SPG11: variants seen among roughly 807,000 people sequenced by gnomAD.
The protein encoded by SPG11 is spatacsin.
A neutral mutation model predicts 274.0 loss-of-function variants in SPG11; 222 were observed. That is an observed-to-expected ratio of 0.81 (90% confidence interval 0.73 to 0.91). The LOEUF is 0.91. Among genes scored for constraint, SPG11 ranks in the 40% least tolerant of loss-of-function variants. SPG11 has a pLI of 0.00. For missense variants in SPG11, 3,114 were observed against 2,872.7 expected (o/e 1.08, Z -1.92); for synonymous variants, 1,144 against 1,039.7 (o/e 1.10, Z -1.93).
chr15:44,565,996 CG>C lies in SPG11; in HGVS notation c.6856del (p.Arg2286AspfsTer12). 1 of 1,613,670 alleles carries C rather than the reference CG, an allele frequency of 6.2e-7. No individual in the cohort carries two copies. Among genetic ancestry groups the C allele is most frequent in the Non-Finnish European group, 8.5e-7 (1 of 1,180,000 alleles). On this transcript the variant is annotated frameshift_variant, in exon 38 of 40. Transcript: ENST00000261866. LOFTEE classifies it high-confidence loss of function. Reference sequence around the variant, plus strand: ...GAGCCGCTGACAGTGCTGGGCCTGTCGCACACAGGAGTCCTGAGGAACAAGG... The same window carrying C: ...GAGCCGCTGACAGTGCTGGGCCTGTCCACACAGGAGTCCTGAGGAACAAGG... The part of the protein sequence containing the change: ...AESYAKDSCV[R>X]QAQHCQRLTK...
chr15:44,660,519 T>C lies in SPG11; in HGVS notation c.355A>G (p.Asn119Asp). 4 of 1,614,170 alleles carry C rather than the reference T, an allele frequency of 2.5e-6. No individual in the cohort carries two copies. In the South Asian group the frequency reaches 3.3e-5, roughly 13 times the overall value. Residue 119 changes from asparagine to aspartate, a missense_variant, in exon 2 of 40, where the codon AAT becomes GAT. Coordinates refer to ENST00000261866, the MANE Select transcript of SPG11 (RefSeq NM_025137.4). ...ENYELLIYEF[N>D]LKDGRCDATI... Reference sequence around the variant, plus strand: ...GCATCACATCTTCCATCTTTCAAATTAAATTCATAGATAAGCAGTTCATAA... The same window carrying C: ...GCATCACATCTTCCATCTTTCAAATCAAATTCATAGATAAGCAGTTCATAA...
At chr15:44,586,678 T>C (rs1037205017) in intron 28 of SPG11, among the ~76,000 whole-genome samples, 2 of 148,982 alleles carry the variant, frequency 1.3e-5, no homozygotes, top group Non-Finnish European at 3.0e-5. Flanking sequence ...GATTAGCACA[T>C]GAACTCAATC....
intron 1 of SPG11, among the ~76,000 whole-genome samples, chr15:44,660,943 A>G (rs1211192794): frequency 6.6e-6 from 1 of 152,230 alleles, no homozygotes; most frequent in Non-Finnish European, 1.5e-5. Context: ...GTAGGTATCA[A>G]CAACAAAATA....
chr15:44,600,929 G>A (rs1243427080), intron 20 of SPG11, among the ~76,000 whole-genome samples: 1 of 152,166 alleles, frequency 6.6e-6, no homozygotes. Flanking sequence ...TAAGGCAGGC[G>A]GATGACCTGA....
At chr15:44,628,073 C>T (rs191319276) in intron 10 of SPG11, among the ~76,000 whole-genome samples, 2 of 152,118 alleles carry the variant, frequency 1.3e-5, no homozygotes, top group East Asian at 1.9e-4. Flanking sequence ...TTTGTTTTTC[C>T]AATACCAATA....
intron 38 of SPG11, 123 bp downstream of exon 38, chr15:44,565,731 A>T: frequency 8.0e-7 from 1 of 1,242,972 alleles, no homozygotes. Flanking sequence ...TCAGAGAGTT[A>T]AATCAGAACT....
chr15:44,641,784 T>G (rs2084450545), intron 7 of SPG11, among the ~76,000 whole-genome samples: 1 of 151,918 alleles, frequency 6.6e-6, no homozygotes, highest in African/African-American at 2.4e-5. Context: ...AAAACAATCT[T>G]GGAAAACTAG....
intron 20 of SPG11, chr15:44,604,308 T>C (rs1194298660): frequency 3.3e-6 from 1 of 300,640 alleles, no homozygotes; most frequent in Non-Finnish European, 6.8e-6. Flanking sequence ...ACATGCCCTA[T>C]TTGTATTCTT....
rs746329317 is a variant in SPG11, at chr15:44,564,642, G to T, written c.7056C>A (p.Tyr2352Ter). 6.2e-7 allele frequency: 1 copy of T among 1,613,910 alleles called. No homozygotes were observed. Among genetic ancestry groups the T allele is most frequent in the East Asian group, 2.2e-5 (1 of 44,860 alleles). The change falls in exon 39 of 40, where the codon TAC (tyrosine) becomes TAA (stop). Residue 2352 changes from tyrosine (Y) to a stop codon, truncating the protein, a stop_gained. Transcript: ENST00000261866. LOFTEE classifies it high-confidence loss of function. ...AGTCTCCTTTAAGAATCACTTGCTG[G>T]TATAAAATTTCAGCCCAATCTGGAA... ...DFVPDWAEIL[Y>*]QQVILKGDFN...
chr15:44,643,487 A>C (rs1317458793), intron 7 of SPG11, among the ~76,000 whole-genome samples: 1 of 152,198 alleles, frequency 6.6e-6, no homozygotes, highest in Non-Finnish European at 1.5e-5. Flanking sequence ...CAAAGAATGC[A>C]AAAGAATGAA....
In SPG11 at chr15:44,562,909, G is replaced by C; in HGVS notation, c.*212C>G. ...TTAATACTAGTATCTATATAAAATG[G>C]TGTGGATGAACAATCATCTAAAATC... On this transcript the variant is annotated 3_prime_UTR_variant, in exon 40 of 40. Coordinates refer to ENST00000261866, the MANE Select transcript of SPG11 (RefSeq NM_025137.4). The C allele has an allele frequency of 1.8e-6, 1 of 561,448 alleles. No individual in the cohort carries two copies. Among genetic ancestry groups the C allele is most frequent in the Non-Finnish European group, 3.2e-6 (1 of 314,758 alleles). The allele number at this position is 561,448 out of a possible 1,614,324, so 34.8% of individuals were successfully genotyped here. A position where few individuals can be genotyped will look rare whatever the true frequency, so the allele number is the denominator to read the frequency against.
rs375256495 is a variant in SPG11, at chr15:44,628,797, T to A, written c.1939A>T (p.Ile647Phe). ...QKGVNILTSY[I>F]NELRTFMIKF... ...ATCATGAAGGTTCGAAGTTCATTAATGTAGCTAGTCAAAATGTTCACTCCT... is the reference window on the plus strand; with the variant it reads ...ATCATGAAGGTTCGAAGTTCATTAAAGTAGCTAGTCAAAATGTTCACTCCT... The change falls in exon 10 of 40, where the codon ATT becomes TTT. Residue 647 changes from isoleucine to phenylalanine, a missense_variant. Transcript: ENST00000261866. 6.2e-7 allele frequency: 1 copy of A among 1,613,728 alleles called. No individual in the cohort carries two copies. The highest frequency in any genetic ancestry group is 1.7e-5 in the Admixed American group (1 of 60,014).
intron 1 of SPG11, among the ~76,000 whole-genome samples, chr15:44,661,046 T>A (rs2085090368): frequency 6.6e-6 from 1 of 152,234 alleles, no homozygotes; most frequent in Non-Finnish European, 1.5e-5. Flanking sequence ...TTATTTGTAT[T>A]TATAGACTGA....
At chr15:44,613,361 T>A in intron 17 of SPG11, 69 bp downstream of exon 17, 1 of 1,010,896 alleles carries the variant, frequency 9.9e-7, no homozygotes, top group Non-Finnish European at 1.6e-6. Context: ...GTTCACAAGT[T>A]TAATACCATT....
At position 44,583,833 on chromosome 15, in the gene SPG11, G is replaced by T; in HGVS notation, c.5847C>A (p.Pro1949=). Residue 1949 remains proline (P), a synonymous_variant, in exon 30 of 40, where the codon CCC becomes CCA. Transcript: ENST00000261866. ...ELLEEEAPDI[P]LRRVHSTSSL... ...ACTTACTGCTGTGGACTCTCCTTAG[G>T]GGAATGTCGGGTGCTTCTTCCTCAA... 1 of 1,614,152 alleles carries T rather than the reference G, an allele frequency of 6.2e-7. No homozygotes were observed. The highest frequency in any genetic ancestry group is 8.5e-7 in the Non-Finnish European group (1 of 1,180,022).
At chr15:44,565,109 G>T (rs2082282083) in intron 38 of SPG11, among the ~76,000 whole-genome samples, 2 of 152,198 alleles carry the variant, frequency 1.3e-5, no homozygotes, top group South Asian at 4.1e-4. Context: ...TTAGCAGTAT[G>T]AGGAACAGTG....
intron 39 of SPG11, among the ~76,000 whole-genome samples, chr15:44,563,897 G>T (rs2082252476): frequency 6.6e-6 from 1 of 152,180 alleles, no homozygotes; most frequent in Non-Finnish European, 1.5e-5. Flanking sequence ...CTAGTATTAG[G>T]GGTGCTTGAT....
intron 2 of SPG11, 116 bp downstream of exon 2, chr15:44,660,316 C>A: frequency 1.2e-6 from 1 of 854,576 alleles, no homozygotes; most frequent in South Asian, 1.5e-5. Context: ...TGCCTAGTGA[C>A]TACTATATCA....
chr15:44,563,231 C>T lies in SPG11; in HGVS notation c.7222G>A (p.Val2408Ile), dbSNP rs767553029. Residue 2408 changes from valine (V) to isoleucine (I), a missense_variant, in exon 40 of 40, where the codon GTT (valine) becomes ATT (isoleucine). Coordinates refer to ENST00000261866, the MANE Select transcript of SPG11 (RefSeq NM_025137.4). ...LKKLLTYCED[V>I]YLYYKLAYEH... is the part of the protein sequence containing the mutation. ...TATGCCAACTTGTAATACAGGTAAA[C>T]ATCTTCACAATATGTGAGTAATTTC... 3 of 1,614,096 alleles carry T rather than the reference C, an allele frequency of 1.9e-6. No individual in the cohort carries two copies. Among genetic ancestry groups the T allele is most frequent in the Non-Finnish European group, 2.5e-6 (3 of 1,179,932 alleles).
Sources: allele counts gnomAD v4.1 joint callset (sites outside exome capture counted in the v4.1 genomes callset), GRCh38; gene constraint gnomAD v4.1.1; transcripts MANE v1.5; gene names NCBI Gene and HGNC (gene_info 2026-07-23, HGNC 2026-07-21).